Variants in PCDHGB4 observed in about 807,000 individuals in gnomAD.
PCDHGB4 encodes protocadherin gamma-B4.
A neutral mutation model predicts 60.5 loss-of-function variants in PCDHGB4; 38 were observed. The observed-to-expected ratio is 0.63, with a 90% CI of 0.48 to 0.82. The LOEUF (loss-of-function observed/expected upper bound fraction) is 0.82, where lower values mean the gene tolerates loss of function less well. Ranked by LOEUF, PCDHGB4 falls within the 40% of genes least tolerant of loss-of-function variation. The probability of loss-of-function intolerance (pLI) is 0.00; values close to 1 mark genes in which losing one functional copy is unlikely to be tolerated. For missense variants in PCDHGB4, 1,109 were observed against 1,209.6 expected (o/e 0.92, Z 1.23); for synonymous variants, 456 against 509.7 (o/e 0.89, Z 1.42).
rs761831761 is a variant in PCDHGB4 at position 141,485,471 on chromosome 5, G to A, written c.2398-9336G>A. The A allele has an allele frequency of 4.3e-6, 7 of 1,614,144 alleles. No homozygotes were observed. The Admixed American group carries it at 5.0e-5, about 12-fold the overall frequency. On this transcript the variant is annotated intron_variant, in intron 1 of 3. Transcript: ENST00000519479. This position sits in a 1 kb window ranked among gnomAD's most constrained non-coding sequence, Gnocchi z 5.7. ...CCGAGAGGCACTGTGTGGGCTCAGT[G>A]CCAGCTGCATCGTGCCCCTGGAGTT...
At chr5:141,421,283 T>G (rs2096560959) in intron 1 of PCDHGB4, 4 of 1,612,952 alleles carry the variant, frequency 2.5e-6, no homozygotes, top group Non-Finnish European at 3.4e-6. Flanking sequence ...CTGCTGTGCA[T>G]TTTCCTGGGG....
chr5:141,454,948 C>T (rs2098807728), intron 1 of PCDHGB4, among the ~76,000 whole-genome samples: 1 of 151,548 alleles, frequency 6.6e-6, no homozygotes, highest in Non-Finnish European at 1.5e-5. Flanking sequence ...GCTGGGACTA[C>T]AGGCGCCGGC....
chr5:141,392,766 C>A, intron 1 of PCDHGB4: 1 of 1,489,084 alleles, frequency 6.7e-7, no homozygotes, highest in South Asian at 1.4e-5. Flanking sequence ...AAATAAGACC[C>A]ATTTATGCAC....
chr5:141,431,511 T>G lies in PCDHGB4; in HGVS notation c.2397+41230T>G, dbSNP rs1234369765. 6.2e-7 allele frequency: 1 copy of G among 1,614,018 alleles called. No individual in the cohort carries two copies. On this transcript the variant is annotated intron_variant, in intron 1 of 3. Transcript: ENST00000519479. The surrounding 1 kb of genome is among the most constrained non-coding windows in gnomAD (Gnocchi z 4.8). ...GCTCAGCCCGAGTACCGCGCGAGCGTTCCGGAGAATCTGGCCTTGGGCACG... is the reference window on the plus strand; with the variant it reads ...GCTCAGCCCGAGTACCGCGCGAGCGGTCCGGAGAATCTGGCCTTGGGCACG...
chr5:141,430,328 T>C (rs961978065), intron 1 of PCDHGB4, among the ~76,000 whole-genome samples: 1 of 152,036 alleles, frequency 6.6e-6, no homozygotes, highest in Non-Finnish European at 1.5e-5. Flanking sequence ...AAATCATTGT[T>C]TATAGAAACT....
intron 1 of PCDHGB4, chr5:141,392,676 C>G: frequency 1.1e-6 from 1 of 917,280 alleles, no homozygotes. Context: ...AACTGCTGGA[C>G]TGCAGCGAAA....
At chr5:141,405,659 G>T (rs867774573) in intron 1 of PCDHGB4, among the ~76,000 whole-genome samples, 1 of 152,106 alleles carries the variant, frequency 6.6e-6, no homozygotes, top group East Asian at 1.9e-4. Flanking sequence ...TGTGTTTTTA[G>T]TAGAGACGGG....
At chr5:141,419,863 G>C in intron 1 of PCDHGB4, 1 of 1,614,108 alleles carries the variant, frequency 6.2e-7, no homozygotes, top group Non-Finnish European at 8.5e-7. Flanking sequence ...CAGATAGCTT[G>C]CAAGAGGTAC....
At chr5:141,415,041 G>C in intron 1 of PCDHGB4, 2 of 1,613,530 alleles carry the variant, frequency 1.2e-6, no homozygotes, top group Non-Finnish European at 1.7e-6. Context: ...GACTCTTCGC[G>C]GTGGGGGAGC....
chr5:141,445,034 A>T (rs963629240), intron 1 of PCDHGB4, among the ~76,000 whole-genome samples: 4 of 152,156 alleles, frequency 2.6e-5, no homozygotes, highest in Admixed American at 2.0e-4. Context: ...GCTATGTTGT[A>T]TAGTTTTCAG....
At chr5:141,393,542 T>A in intron 1 of PCDHGB4, 3 of 1,613,964 alleles carry the variant, frequency 1.9e-6, no homozygotes, top group Non-Finnish European at 2.5e-6. Flanking sequence ...CGGTTTTTCC[T>A]CACCCGATTT....
chr5:141,504,135 C>T (rs758903340), intron 2 of PCDHGB4, among the ~76,000 whole-genome samples: 1 of 152,188 alleles, frequency 6.6e-6, no homozygotes, highest in Non-Finnish European at 1.5e-5. Context: ...CCCGCCAACA[C>T]TCCCCTGCAA....
Position 141,394,702 on chromosome 5 carries a change from G to A in PCDHGB4, c.2397+4421G>A, listed in dbSNP as rs1246576971. On this transcript the variant is annotated intron_variant, in intron 1 of 3. Coordinates refer to ENST00000519479, the MANE Select transcript of PCDHGB4 (RefSeq NM_003736.4). Reference sequence around the variant, plus strand: ...CACACGGGCGAGGTGCGCACGGCGCGAGCCCTGCTGGACAGAGATGCGCTC... The same window carrying A: ...CACACGGGCGAGGTGCGCACGGCGCAAGCCCTGCTGGACAGAGATGCGCTC... 1.9e-5 allele frequency: 31 copies of A among 1,613,178 alleles called. No homozygotes were observed. Among genetic ancestry groups the A allele is most frequent in the Non-Finnish European group, 2.5e-5 (29 of 1,179,882 alleles).
chr5:141,417,533 A>T (rs1253836392), intron 1 of PCDHGB4: 3 of 274,888 alleles, frequency 1.1e-5, no homozygotes, highest in African/African-American at 2.2e-5. Context: ...CTCGTAGTTT[A>T]AAAAAAATTC....
At chr5:141,402,433 A>C (rs1331958085) in intron 1 of PCDHGB4, among the ~76,000 whole-genome samples, 1 of 152,146 alleles carries the variant, frequency 6.6e-6, no homozygotes, top group Non-Finnish European at 1.5e-5. Context: ...GAAGCATCAT[A>C]AAAAGGAAAT....
At position 141,432,412 on chromosome 5, in the gene PCDHGB4, C is replaced by G. The variant is rs773688197; in HGVS notation, c.2397+42131C>G. 1.9e-6 allele frequency: 3 copies of G among 1,614,246 alleles called. No individual in the cohort carries two copies. The highest frequency in any genetic ancestry group is 2.2e-5 in the East Asian group (1 of 44,882). ...GCAGCAACGTGTCGTTGAGCCTGTT[C>G]GTGCTGGACCAGAACGACAATGCGC... On this transcript the variant is annotated intron_variant, in intron 1 of 3. Transcript: ENST00000519479. This position sits in a 1 kb window ranked among gnomAD's most constrained non-coding sequence, Gnocchi z 6.0.
At position 141,489,181 on chromosome 5, in the gene PCDHGB4, T is replaced by C; in HGVS notation, c.2398-5626T>C. The C allele has an allele frequency of 1.6e-6, 2 of 1,259,546 alleles. No homozygotes were observed. The highest frequency in any genetic ancestry group is 2.2e-6 in the Non-Finnish European group (2 of 905,040). The allele number at this position is 1,259,546 out of a possible 1,614,324, so 78.0% of individuals were successfully genotyped here. ...ACTTCAGCTGCTGCATTCCAAGCCC[T>C]GGGTCTACCTTGGAGACAGGACAGC... On this transcript the variant is annotated intron_variant, in intron 1 of 3. Transcript: ENST00000519479. This position sits in a 1 kb window ranked among gnomAD's most constrained non-coding sequence, Gnocchi z 4.5.
intron 1 of PCDHGB4, chr5:141,403,617 G>C: frequency 6.2e-7 from 1 of 1,613,856 alleles, no homozygotes; most frequent in Non-Finnish European, 8.5e-7. Flanking sequence ...GAGCCGCGTC[G>C]CTCCAGCACA....
chr5:141,480,429 T>A (rs72790066), intron 1 of PCDHGB4, among the ~76,000 whole-genome samples: 9,317 of 151,926 alleles, frequency 0.061, 335 homozygotes, highest in South Asian at 0.12. Context: ...AAAAAAATTA[T>A]CAGCTATTAC....
Sources: gnomAD v4.1 joint callset for allele counts (sites outside exome capture counted in the v4.1 genomes callset) on GRCh38, gnomAD v4.1.1 for gene constraint, Gnocchi (gnomAD v3.1) non-coding constraint, MANE v1.5 for transcripts, NCBI Gene and HGNC (gene_info 2026-07-23, HGNC 2026-07-21) for gene names.